The following PHC2 variants were observed in gnomAD, a reference collection of about 807,000 sequenced individuals.
PHC2 encodes the protein polyhomeotic homolog 2.
In PHC2, 29 loss-of-function variants were observed where a neutral mutation model predicts 87.4. The ratio of observed to expected loss-of-function variants is 0.33; its 90% confidence interval spans 0.25 to 0.45. The LOEUF is 0.45. PHC2 is among the 20% of genes least tolerant of loss of function. The pLI is 1.00. For synonymous variants in PHC2, 438 were observed against 461.7 expected (o/e 0.95, Z 0.66); for missense variants, 857 against 1,136.7 (o/e 0.75, Z 3.54).
intron 1 of PHC2, among the ~76,000 whole-genome samples, chr1:33,405,910 T>C (rs988689164): frequency 6.6e-6 from 1 of 152,254 alleles, no homozygotes; most frequent in African/African-American, 2.4e-5. Context: ...TGATCCAGTA[T>C]AGAGTCAACT....
At chr1:33,422,822 T>C (rs531231106) in intron 1 of PHC2, among the ~76,000 whole-genome samples, 2 of 152,194 alleles carry the variant, frequency 1.3e-5, no homozygotes, top group South Asian at 2.1e-4. Context: ...TGAGCCTAAA[T>C]TTACTGTATA....
At chr1:33,352,963 A>G (rs1307927520) in intron 9 of PHC2, among the ~76,000 whole-genome samples, 1 of 152,196 alleles carries the variant, frequency 6.6e-6, no homozygotes, top group Non-Finnish European at 1.5e-5. Context: ...TACTCAGCAT[A>G]TACTAAGTGT....
At chr1:33,375,615 T>C in intron 1 of PHC2, 22 bp from the exon 2 acceptor site, 1 of 1,369,506 alleles carries the variant, frequency 7.3e-7, no homozygotes, top group South Asian at 1.7e-5. Flanking sequence ...GAGGCAGAAG[T>C]GAATGTTTTG....
chr1:33,325,903 G>T (rs1207961439), intron 14 of PHC2: 2 of 456,672 alleles, frequency 4.4e-6, no homozygotes, highest in Middle Eastern at 3.3e-4. Context: ...AGTGTCTAAG[G>T]TGCTTTGAGA....
chr1:33,356,700 AG>A (rs2148290791), intron 7 of PHC2, among the ~76,000 whole-genome samples: 1 of 152,334 alleles, frequency 6.6e-6, no homozygotes, highest in East Asian at 1.9e-4. Context: ...CTTTCTACAC[AG>A]ACACAGTAAC....
intron 9 of PHC2, among the ~76,000 whole-genome samples, chr1:33,343,468 C>CAAAAAAAAAAAAA (rs71006394): frequency 1.7e-5 from 1 of 59,842 alleles, no homozygotes; most frequent in African/African-American, 7.7e-5. Flanking sequence ...GACTCTGTCT[C>CAAAAAAAAAAAAA]AAAAAAAAAA....
At chr1:33,374,082 C>G (rs1648021325) in intron 2 of PHC2, among the ~76,000 whole-genome samples, 1 of 152,174 alleles carries the variant, frequency 6.6e-6, no homozygotes, top group South Asian at 2.1e-4. Context: ...TTTTTCTCTC[C>G]TGCTCTCTCA....
intron 1 of PHC2, among the ~76,000 whole-genome samples, chr1:33,381,885 G>GT (rs1247714677): frequency 6.6e-6 from 1 of 152,030 alleles, no homozygotes; most frequent in Non-Finnish European, 1.5e-5. Context: ...AATCTCCCTT[G>GT]TTTTTTCTAT....
intron 9 of PHC2, chr1:33,345,463 T>C: frequency 4.1e-6 from 3 of 726,204 alleles, no homozygotes; most frequent in Non-Finnish European, 5.1e-6. Context: ...CAGGAAAGCA[T>C]ATCCTTTTTC....
At position 33,368,345 on chromosome 1, in the gene PHC2, C is replaced by T. The variant is rs115438093; in HGVS notation, c.663+191G>A. On this transcript the variant is annotated intron_variant, in intron 6 of 14. Transcript: ENST00000683057. This position sits in a 1 kb window ranked among gnomAD's most constrained non-coding sequence, Gnocchi z 6.6. ...GGCTCCTGACCTGTGTTTGAGGGAA[C>T]GAAACAGAGCCAGGAGGGACTGAGG... Among the ~76,000 whole-genome samples, 2,226 of 152,260 alleles carry T rather than the reference C, an allele frequency of 0.015. 59 individuals are homozygous for T. The highest frequency in any genetic ancestry group is 0.047 in the African/African-American group (1,970 of 41,534).
intron 1 of PHC2, among the ~76,000 whole-genome samples, chr1:33,402,868 C>G (rs4652875): frequency 0.48 from 72,866 of 151,680 alleles, 18,896 homozygotes; most frequent in South Asian, 0.62. Flanking sequence ...CTCTGTGGCC[C>G]AGGCTGGAGT....
At chr1:33,347,625 C>T (rs768349040) in intron 9 of PHC2, 560 of 985,382 alleles carry the variant, frequency 5.7e-4, no homozygotes, top group Non-Finnish European at 6.6e-4. Flanking sequence ...ACTGAGAAAC[C>T]GACTCAAGTA....
At chr1:33,378,266 G>A (rs947548918) in intron 1 of PHC2, among the ~76,000 whole-genome samples, 1 of 152,180 alleles carries the variant, frequency 6.6e-6, no homozygotes, top group African/African-American at 2.4e-5. Flanking sequence ...ATAAAAAGTG[G>A]TAGGAGGTAT....
At chr1:33,352,661 A>G (rs1269386389) in intron 9 of PHC2, among the ~76,000 whole-genome samples, 4 of 152,230 alleles carry the variant, frequency 2.6e-5, no homozygotes, top group Non-Finnish European at 5.9e-5. Context: ...AGTTCCAGGT[A>G]AGACGAAACC....
chr1:33,346,776 A>C, intron 9 of PHC2: 1 of 985,474 alleles, frequency 1.0e-6, no homozygotes. Context: ...AAAGGAGGAC[A>C]GAGACTTAAG....
chr1:33,370,890 C>T (rs537017235), intron 4 of PHC2, 127 bp downstream of exon 4: 32 of 810,142 alleles, frequency 3.9e-5, no homozygotes, highest in Admixed American at 9.7e-5. Flanking sequence ...CTTTTTCTTC[C>T]CGGTAAGGGC....
At chr1:33,390,807 T>C (rs957297117) in intron 1 of PHC2, among the ~76,000 whole-genome samples, 3 of 152,052 alleles carry the variant, frequency 2.0e-5, no homozygotes, top group African/African-American at 7.2e-5. Flanking sequence ...TAAAAAAATG[T>C]AAATACTATT....
chr1:33,379,657 G>A (rs1648394205), intron 1 of PHC2, among the ~76,000 whole-genome samples: 1 of 149,254 alleles, frequency 6.7e-6, no homozygotes, highest in Non-Finnish European at 1.5e-5. Flanking sequence ...CCTTGGGTGG[G>A]CCCATCCTCA....
In PHC2 at chr1:33,324,216, C is replaced by A. The variant is rs545235615; in HGVS notation, c.*649G>T. Reference sequence around the variant, plus strand: ...CTAAGTGGCTGTTTGCTACAAAACACCTGGAGATGCCAGAGAGTAGCCCTT... The same window carrying A: ...CTAAGTGGCTGTTTGCTACAAAACAACTGGAGATGCCAGAGAGTAGCCCTT... On this transcript the variant is annotated 3_prime_UTR_variant, in exon 15 of 15. Coordinates refer to ENST00000683057, the MANE Select transcript of PHC2 (RefSeq NM_001385109.1). The A allele has an allele frequency of 6.5e-6, 1 of 152,936 alleles. No homozygotes were observed. Among genetic ancestry groups the A allele is most frequent in the Admixed American group, 6.5e-5 (1 of 15,302 alleles). The allele number at this position is 152,936 out of a possible 1,614,324, so 9.5% of individuals were successfully genotyped here. A position where few individuals can be genotyped will look rare whatever the true frequency, so the allele number is the denominator to read the frequency against.
Sources: gnomAD v4.1 joint callset for allele counts (sites outside exome capture counted in the v4.1 genomes callset) on GRCh38, gnomAD v4.1.1 for gene constraint, Gnocchi (gnomAD v3.1) non-coding constraint, MANE v1.5 for transcripts, NCBI Gene and HGNC (gene_info 2026-07-23, HGNC 2026-07-21) for gene names.